The following PDE4C variants were observed in gnomAD, a reference collection of about 807,000 sequenced individuals.
The protein encoded by PDE4C is phosphodiesterase 4C, also known as 3',5'-cyclic-AMP phosphodiesterase 4C.
A neutral mutation model predicts 63.9 loss-of-function variants in PDE4C; 50 were observed. That is an observed-to-expected ratio of 0.78 (90% confidence interval 0.62 to 0.99). The LOEUF (loss-of-function observed/expected upper bound fraction) is 0.99, where lower values mean the gene tolerates loss of function less well. Among genes scored for constraint, PDE4C ranks in the 50% least tolerant of loss-of-function variants. The pLI is 0.00. For missense variants in PDE4C, 777 were observed against 899.1 expected (o/e 0.86, Z 1.74); for synonymous variants, 377 against 385.1 (o/e 0.98, Z 0.25).
At chr19:18,241,159 TG>T (rs1304834109) in intron 1 of PDE4C, among the ~76,000 whole-genome samples, 6 of 151,042 alleles carry the variant, frequency 4.0e-5, no homozygotes, top group African/African-American at 1.5e-4. Context: ...GAGGGTGGGG[TG>T]TGTGGGGACA....
exon 1 of PDE4C, chr19:18,232,950 C>T (rs1455946655): frequency 1.4e-6 from 2 of 1,450,090 alleles, no homozygotes; most frequent in Admixed American, 2.8e-5. Context: ...GGCCACCTAC[C>T]GCCTGCAGGA....
chr19:18,245,559 C>A (rs1433859641), intron 1 of PDE4C, among the ~76,000 whole-genome samples: 1 of 152,212 alleles, frequency 6.6e-6, no homozygotes, highest in Non-Finnish European at 1.5e-5. Flanking sequence ...TGGCCAGCTG[C>A]TTGTTTCCAT....
upstream of PDE4C, chr19:18,250,476 G>A (rs1969218387): frequency 2.5e-6 from 1 of 399,102 alleles, no homozygotes; most frequent in East Asian, 3.6e-5. Context: ...CCTGGAGCTG[G>A]GGAAAGGAAC....
At chr19:18,253,068 C>T (rs973100987), upstream of PDE4C, among the ~76,000 whole-genome samples, 1 of 152,202 alleles carries the variant, frequency 6.6e-6, no homozygotes, top group Admixed American at 6.5e-5. Context: ...TGCAGATCAG[C>T]GTTCCCAGTC....
At chr19:18,214,190 G>A (rs552563953) in intron 12 of PDE4C, among the ~76,000 whole-genome samples, 3 of 151,882 alleles carry the variant, frequency 2.0e-5, no homozygotes, top group South Asian at 2.1e-4. Flanking sequence ...CCCAAGAGGC[G>A]GAGCTTGCAG....
upstream of PDE4C, among the ~76,000 whole-genome samples, chr19:18,251,282 T>A (rs1469868759): frequency 6.9e-6 from 1 of 145,210 alleles, no homozygotes; most frequent in African/African-American, 2.6e-5. Context: ...CCCGCCACCA[T>A]GCCTGGCTAT....
chr19:18,228,495 T>A (rs1206207485), upstream of PDE4C, among the ~76,000 whole-genome samples: 1 of 152,156 alleles, frequency 6.6e-6, no homozygotes, highest in African/African-American at 2.4e-5. Context: ...CTGGGGTCAT[T>A]TGAACCCGGA....
chr19:18,222,412 G>A (rs1968524384), intron 1 of PDE4C, 89 bp from the exon 2 acceptor site: 10 of 1,217,038 alleles, frequency 8.2e-6, no homozygotes, highest in Non-Finnish European at 1.0e-5. Context: ...TCCTCCCTGG[G>A]GCTGCTTGGC....
upstream of PDE4C, among the ~76,000 whole-genome samples, chr19:18,249,264 C>T (rs536367350): frequency 1.3e-5 from 2 of 152,040 alleles, no homozygotes; most frequent in Non-Finnish European, 2.9e-5. Context: ...CCACCATGCC[C>T]GGCACCCCCA....
chr19:18,241,100 C>A (rs931518343), intron 1 of PDE4C, among the ~76,000 whole-genome samples: 7 of 151,906 alleles, frequency 4.6e-5, no homozygotes, highest in African/African-American at 1.7e-4. Flanking sequence ...CTACAAGAGG[C>A]CTCCCTCGGG....
intron 1 of PDE4C, among the ~76,000 whole-genome samples, chr19:18,231,898 G>A (rs1968855884): frequency 6.6e-6 from 1 of 151,940 alleles, no homozygotes; most frequent in Non-Finnish European, 1.5e-5. Flanking sequence ...AGGAGAAGCA[G>A]CCCCTCCTTA....
the PDE4C span, among the ~76,000 whole-genome samples, chr19:18,254,375 C>CT: frequency 6.6e-6 from 1 of 152,200 alleles, no homozygotes; most frequent in East Asian, 1.9e-4. Context: ...TGTTGAGTGC[C>CT]TGGCACTGAG....
At chr19:18,214,535 T>C (rs1225520150) in intron 12 of PDE4C, among the ~76,000 whole-genome samples, 2 of 152,044 alleles carry the variant, frequency 1.3e-5, no homozygotes, top group African/African-American at 2.4e-5. Flanking sequence ...CCAGAGGCTA[T>C]GGGAGCCACA....
intron 1 of PDE4C, among the ~76,000 whole-genome samples, chr19:18,222,700 C>CTTT (rs1199712120): frequency 0.29 from 15,607 of 53,300 alleles, 3,564 homozygotes; most frequent in Non-Finnish European, 0.33. Context: ...CCTTTCTTTT[C>CTTT]TTTTTTTTTT....
intron 1 of PDE4C, chr19:18,225,906 GCCA>G (rs1968699356): frequency 4.9e-6 from 1 of 202,854 alleles, no homozygotes; most frequent in Non-Finnish European, 1.0e-5. Context: ...TCCTCCCACT[GCCA>G]GGACGCACAG....
At chr19:18,241,255 GTTTTTTTTTTTTTTTTT>G (rs200717537) in intron 1 of PDE4C, among the ~76,000 whole-genome samples, 24 of 78,516 alleles carry the variant, frequency 3.1e-4, no homozygotes, top group African/African-American at 1.2e-3. Context: ...TTCTTCTCTT[GTTTTTTTTTTTTTTTTT>G]TTTTTTTTTT....
chr19:18,216,672 T>G, intron 12 of PDE4C, 69 bp downstream of exon 12: 9 of 1,450,042 alleles, frequency 6.2e-6, no homozygotes, highest in Non-Finnish European at 7.4e-6. Context: ...CCCACCCTGC[T>G]GTCTGCAGAT....
At chr19:18,246,616 G>GT (rs920955376) in intron 1 of PDE4C, among the ~76,000 whole-genome samples, 2 of 151,820 alleles carry the variant, frequency 1.3e-5, no homozygotes, top group Non-Finnish European at 2.9e-5. Flanking sequence ...AGTTAGCCCA[G>GT]TTTTTTAACA....
chr19:18,237,053 C>T (rs1211666704), upstream of PDE4C: 2 of 152,794 alleles, frequency 1.3e-5, no homozygotes, highest in African/African-American at 4.8e-5. Context: ...CCACCAACTC[C>T]CAGAACCACT....
Sources: allele counts gnomAD v4.1 joint callset (sites outside exome capture counted in the v4.1 genomes callset), GRCh38; gene constraint gnomAD v4.1.1; transcripts MANE v1.5; gene names NCBI Gene and HGNC (gene_info 2026-07-23, HGNC 2026-07-21).